LRP1B: variants seen among roughly 807,000 people sequenced by gnomAD.
The protein encoded by LRP1B is low-density lipoprotein receptor-related protein 1B.
A neutral mutation model predicts 556.6 loss-of-function variants in LRP1B; 217 were observed. That is an observed-to-expected ratio of 0.39 (90% confidence interval 0.35 to 0.44). The LOEUF is 0.44. Ranked by LOEUF, LRP1B falls within the 20% of genes least tolerant of loss-of-function variation. The pLI is 1.00. For synonymous variants in LRP1B, 2,047 were observed against 1,865.8 expected (o/e 1.10, Z -2.50); for missense variants, 5,053 against 5,620.8 (o/e 0.90, Z 3.23).
chr2:140,579,337 T>C (rs1377127208), intron 43 of LRP1B, among the ~76,000 whole-genome samples: 8 of 151,410 alleles, frequency 5.3e-5, no homozygotes, highest in Non-Finnish European at 2.9e-5. Context: ...CTAATTTCTC[T>C]GATCTGAAAG....
chr2:141,741,624 C>T (rs1411068718), intron 2 of LRP1B, among the ~76,000 whole-genome samples: 1 of 152,030 alleles, frequency 6.6e-6, no homozygotes, highest in East Asian at 1.9e-4. Context: ...AGATCTTTTG[C>T]CCATTTTTAA....
intron 7 of LRP1B, among the ~76,000 whole-genome samples, chr2:141,131,407 T>TTTTATATATATATATATATATATATA (rs976965390): frequency 3.2e-4 from 35 of 110,692 alleles, no homozygotes; most frequent in African/African-American, 1.3e-3. Context: ...ATGCATAAAG[T>TTTTATATATATATATATATATATATA]TATATATATA....
Position 140,818,852 on chromosome 2 carries a change from G to A in LRP1B, c.5210-5046C>T, listed in dbSNP as rs147134261. 5.2e-4 allele frequency among the ~76,000 whole-genome samples: 77 copies of A among 148,786 alleles called. 1 individual carries two copies. The highest frequency in any genetic ancestry group is 4.8e-3 in the East Asian group (24 of 4,998). ...CTCGGGAGGCTGAGGCAGGAGAATCGCTTGAACCCAGGAGGTAGAGGTTGC... is the reference window on the plus strand; with the variant it reads ...CTCGGGAGGCTGAGGCAGGAGAATCACTTGAACCCAGGAGGTAGAGGTTGC... On this transcript the variant is annotated intron_variant, in intron 31 of 90. Coordinates refer to ENST00000389484, the MANE Select transcript of LRP1B (RefSeq NM_018557.3).
intron 2 of LRP1B, among the ~76,000 whole-genome samples, chr2:141,691,721 T>C (rs1691539591): frequency 6.6e-6 from 1 of 151,950 alleles, no homozygotes; most frequent in Admixed American, 6.6e-5. Flanking sequence ...GCTTCCAATT[T>C]TTGTTTATTT....
At chr2:141,420,730 AT>A (rs548186165) in intron 3 of LRP1B, among the ~76,000 whole-genome samples, 2 of 152,296 alleles carry the variant, frequency 1.3e-5, no homozygotes, top group East Asian at 3.9e-4. Flanking sequence ...AGTTGTGCTC[AT>A]TAGCTGGATT....
At chr2:140,699,995 CATT>C (rs1310773233) in intron 41 of LRP1B, among the ~76,000 whole-genome samples, 1 of 141,950 alleles carries the variant, frequency 7.0e-6, no homozygotes, top group African/African-American at 2.6e-5. Context: ...TTATAAGAAA[CATT>C]ATGATAAAAC....
rs1305170031 is a variant in LRP1B, at chr2:142,115,717, AAT to A, written c.82+14929_82+14930del. On this transcript the variant is annotated intron_variant, in intron 1 of 90. Transcript: ENST00000389484. Reference sequence around the variant, plus strand: ...TGTAATATATATATAATATATATGTAATATATATATAATATATATGTAATATA... The same window carrying A: ...TGTAATATATATATAATATATATGTAATATATATAATATATATGTAATATA... Among the ~76,000 whole-genome samples the A allele has an allele frequency of 7.7e-5, 2 of 25,928 alleles. 1 individual carries two copies. The highest frequency in any genetic ancestry group is 2.4e-4 in the African/African-American group (2 of 8,506). The allele number at this position is 25,928 out of a possible 152,430, so 17.0% of individuals were successfully genotyped here.
intron 18 of LRP1B, among the ~76,000 whole-genome samples, chr2:140,981,828 T>C (rs1305923161): frequency 2.6e-5 from 4 of 152,268 alleles, no homozygotes; most frequent in Middle Eastern, 3.4e-3. Context: ...CTATTCTCTT[T>C]GACAAGTTTA....
At chr2:141,848,351 G>A (rs1331730625) in intron 1 of LRP1B, among the ~76,000 whole-genome samples, 1 of 151,374 alleles carries the variant, frequency 6.6e-6, no homozygotes, top group Admixed American at 6.6e-5. Context: ...CTGGGACACA[G>A]GCATAAACCA....
chr2:141,875,544 C>G (rs1238597430), intron 1 of LRP1B, among the ~76,000 whole-genome samples: 1 of 151,824 alleles, frequency 6.6e-6, no homozygotes, highest in African/African-American at 2.4e-5. Flanking sequence ...AAGAAAGATT[C>G]CTTTAGGTCT....
chr2:141,291,779 C>A (rs1002590769), intron 3 of LRP1B, among the ~76,000 whole-genome samples: 6 of 141,128 alleles, frequency 4.3e-5, no homozygotes, highest in Non-Finnish European at 9.1e-5. Flanking sequence ...TGGCGTGAAC[C>A]CGGGAGGCGG....
At chr2:140,798,579 C>T (rs1391559305) in intron 32 of LRP1B, among the ~76,000 whole-genome samples, 2 of 152,112 alleles carry the variant, frequency 1.3e-5, no homozygotes, top group Admixed American at 1.3e-4. Flanking sequence ...ATTTTTTGTA[C>T]AGTGCAGGTT....
intron 20 of LRP1B, among the ~76,000 whole-genome samples, chr2:140,934,035 T>C (rs1695130334): frequency 6.6e-6 from 1 of 152,102 alleles, no homozygotes. Context: ...TGGTATTATA[T>C]TCTAAGGAAA....
chr2:141,504,164 G>T (rs868075082), intron 2 of LRP1B, among the ~76,000 whole-genome samples: 6 of 152,146 alleles, frequency 3.9e-5, no homozygotes, highest in South Asian at 4.2e-4. Context: ...TTCTCCAGAG[G>T]TTTCATATTA....
intron 7 of LRP1B, among the ~76,000 whole-genome samples, chr2:141,087,624 TCAAA>T (rs910886884): frequency 1.3e-5 from 2 of 152,178 alleles, no homozygotes; most frequent in South Asian, 2.1e-4. Context: ...GATCATTCAT[TCAAA>T]CAAACAATTA....
intron 2 of LRP1B, among the ~76,000 whole-genome samples, chr2:141,797,759 C>T (rs182553637): frequency 1.3e-4 from 20 of 152,182 alleles, no homozygotes; most frequent in African/African-American, 4.8e-4. Context: ...ATCAAACCAA[C>T]CTATCTTTTG....
At chr2:141,606,732 G>C (rs900473) in intron 2 of LRP1B, among the ~76,000 whole-genome samples, 2 of 151,930 alleles carry the variant, frequency 1.3e-5, no homozygotes, top group Non-Finnish European at 2.9e-5. Flanking sequence ...GGAGAGAGGC[G>C]TCAGGTGAAA....
At chr2:142,017,813 T>C (rs1432786712) in intron 1 of LRP1B, among the ~76,000 whole-genome samples, 2 of 152,140 alleles carry the variant, frequency 1.3e-5, no homozygotes, top group African/African-American at 2.4e-5. Flanking sequence ...ACCCAGAAGG[T>C]CAAGGGCACA....
At chr2:142,125,655 A>G (rs1707615921) in intron 1 of LRP1B, among the ~76,000 whole-genome samples, 1 of 151,880 alleles carries the variant, frequency 6.6e-6, no homozygotes, top group Non-Finnish European at 1.5e-5. Flanking sequence ...TATAGACTAT[A>G]CAATTTGTGA....
Sources: allele counts gnomAD v4.1 joint callset (sites outside exome capture counted in the v4.1 genomes callset), GRCh38; gene constraint gnomAD v4.1.1; transcripts MANE v1.5; gene names NCBI Gene and HGNC (gene_info 2026-07-23, HGNC 2026-07-21).